NRXN1: variants seen among roughly 807,000 people sequenced by gnomAD.
NRXN1 encodes the protein neurexin-1.
NRXN1 carries 39 observed loss-of-function variants against 150.9 expected under a neutral mutation model. The ratio of observed to expected loss-of-function variants is 0.26; its 90% CI spans 0.20 to 0.34. The LOEUF (loss-of-function observed/expected upper bound fraction) is 0.34, where lower values mean the gene tolerates loss of function less well. NRXN1 is among the 10% of genes least tolerant of loss of function. NRXN1 has a pLI of 1.00. For missense variants in NRXN1, 1,815 were observed against 1,949.9 expected (o/e 0.93, Z 1.30); for synonymous variants, 924 against 757.0 (o/e 1.22, Z -3.62).
intron 18 of NRXN1, among the ~76,000 whole-genome samples, chr2:50,219,943 T>TA (rs61541788): frequency 1.3e-5 from 1 of 75,500 alleles, no homozygotes; most frequent in African/African-American, 7.8e-5. Context: ...ATATTATATA[T>TA]TATATATATA....
chr2:50,530,308 A>C (rs2093064932), intron 11 of NRXN1, among the ~76,000 whole-genome samples: 1 of 152,212 alleles, frequency 6.6e-6, no homozygotes, highest in Admixed American at 6.5e-5. Flanking sequence ...ACTGATTTCC[A>C]ATACTTCATG....
intron 17 of NRXN1, among the ~76,000 whole-genome samples, chr2:50,310,794 G>A (rs1316374893): frequency 6.6e-6 from 1 of 152,050 alleles, no homozygotes; most frequent in African/African-American, 2.4e-5. Flanking sequence ...ATTCAACAGA[G>A]GAGAAAATAT....
chr2:50,830,536 A>G (rs1041209790), intron 5 of NRXN1, among the ~76,000 whole-genome samples: 1 of 151,788 alleles, frequency 6.6e-6, no homozygotes, highest in African/African-American at 2.4e-5. Context: ...TCTACTATAA[A>G]TAAAATAAGA....
intron 5 of NRXN1, among the ~76,000 whole-genome samples, chr2:50,651,512 AACATG>A (rs1559075864): frequency 7.8e-6 from 1 of 128,684 alleles, no homozygotes; most frequent in African/African-American, 3.0e-5. Context: ...GACATGACAT[AACATG>A]ACATAACATA....
chr2:50,522,583 T>G (rs916560693), intron 12 of NRXN1, among the ~76,000 whole-genome samples: 1 of 152,134 alleles, frequency 6.6e-6, no homozygotes, highest in African/African-American at 2.4e-5. Flanking sequence ...TTTCAACCAC[T>G]CACAGTATCA....
At chr2:50,364,555 ATTCTCTCCTGC>A (rs2153012809) in intron 17 of NRXN1, among the ~76,000 whole-genome samples, 1 of 152,198 alleles carries the variant, frequency 6.6e-6, no homozygotes, top group South Asian at 2.1e-4. Flanking sequence ...TCCCTTGTCA[ATTCTCTCCTGC>A]TTCTCTCCTG....
intron 17 of NRXN1, among the ~76,000 whole-genome samples, chr2:50,261,247 A>C (rs928292010): frequency 2.0e-5 from 3 of 151,778 alleles, no homozygotes; most frequent in East Asian, 1.9e-4. Flanking sequence ...CCTAGGCCAA[A>C]TTTGACCCTG....
At chr2:50,111,206 T>A (rs1192590166) in intron 18 of NRXN1, among the ~76,000 whole-genome samples, 1 of 152,162 alleles carries the variant, frequency 6.6e-6, no homozygotes, top group Non-Finnish European at 1.5e-5. Context: ...TGGGAAGTGA[T>A]CTTAGGCCCA....
At chr2:50,611,064 A>T (rs1170249825) in intron 8 of NRXN1, among the ~76,000 whole-genome samples, 1 of 150,444 alleles carries the variant, frequency 6.6e-6, no homozygotes, top group African/African-American at 2.4e-5. Flanking sequence ...AGATAGTTTT[A>T]ATGTTGATTA....
At chr2:50,236,401 T>A (rs956927889) in intron 18 of NRXN1, among the ~76,000 whole-genome samples, 8 of 151,976 alleles carry the variant, frequency 5.3e-5, no homozygotes, top group African/African-American at 7.2e-5. Context: ...AAAGACAGAA[T>A]CCAGATCTTT....
chr2:50,725,874 T>C (rs898948718), intron 5 of NRXN1, among the ~76,000 whole-genome samples: 1 of 152,144 alleles, frequency 6.6e-6, no homozygotes, highest in South Asian at 2.1e-4. Flanking sequence ...TTTGTAAAAA[T>C]AAACTTTGAA....
At chr2:50,222,562 C>T (rs554860679) in intron 18 of NRXN1, among the ~76,000 whole-genome samples, 15 of 151,850 alleles carry the variant, frequency 9.9e-5, no homozygotes, top group South Asian at 4.2e-4. Flanking sequence ...ACATGTGAAA[C>T]GATATTTTTA....
intron 21 of NRXN1, among the ~76,000 whole-genome samples, chr2:49,972,358 C>T (rs557132912): frequency 2.9e-4 from 44 of 152,158 alleles, no homozygotes; most frequent in Admixed American, 1.5e-3. Flanking sequence ...TCAACAAATA[C>T]TTAAATAAAA....
intron 17 of NRXN1, among the ~76,000 whole-genome samples, chr2:50,341,701 G>A (rs71407591): frequency 1.1e-3 from 164 of 152,234 alleles, no homozygotes; most frequent in Non-Finnish European, 1.8e-3. Flanking sequence ...ATATCTGTTC[G>A]AAAAGTAGAA....
At chr2:50,495,798 G>T in intron 15 of NRXN1, 107 bp downstream of exon 15, 1 of 839,384 alleles carries the variant, frequency 1.2e-6, no homozygotes, top group Non-Finnish European at 1.7e-6. Context: ...ATGAAATTCT[G>T]GTCAGTCTTT....
intron 20 of NRXN1, among the ~76,000 whole-genome samples, chr2:50,053,992 G>A (rs987983530): frequency 2.0e-5 from 3 of 152,050 alleles, no homozygotes; most frequent in Admixed American, 6.6e-5. Flanking sequence ...CTAATACATA[G>A]CAGCTGAAAT....
chr2:50,356,609 C>A (rs923046545), intron 17 of NRXN1, among the ~76,000 whole-genome samples: 7 of 152,170 alleles, frequency 4.6e-5, no homozygotes, highest in African/African-American at 1.7e-4. Flanking sequence ...CCAAAGACCT[C>A]TGTGGAATTG....
intron 17 of NRXN1, among the ~76,000 whole-genome samples, chr2:50,309,701 T>G (rs1051676979): frequency 2.0e-5 from 3 of 152,174 alleles, no homozygotes; most frequent in Admixed American, 2.0e-4. Flanking sequence ...ACTAATTTTC[T>G]TGTTCTCTCT....
intron 5 of NRXN1, chr2:50,631,125 C>A: frequency 2.3e-6 from 1 of 444,108 alleles, no homozygotes; most frequent in East Asian, 7.2e-5. Context: ...GTAGTTCACT[C>A]ATTAGATTTT....
Sources: gnomAD v4.1 joint callset for allele counts (sites outside exome capture counted in the v4.1 genomes callset) on GRCh38, gnomAD v4.1.1 for gene constraint, MANE v1.5 for transcripts, NCBI Gene and HGNC (gene_info 2026-07-23, HGNC 2026-07-21) for gene names.